Variants in TPTE observed in about 807,000 individuals in gnomAD.
TPTE encodes transmembrane phosphatase with tensin homology, also known as putative tyrosine-protein phosphatase TPTE.
A neutral mutation model predicts 84.1 loss-of-function variants in TPTE; 59 were observed. The ratio of observed to expected loss-of-function variants is 0.70; its 90% CI spans 0.57 to 0.87. The LOEUF (loss-of-function observed/expected upper bound fraction) is 0.87. Ranked by LOEUF, TPTE falls within the 40% of genes least tolerant of loss-of-function variation. The pLI is 0.00. For missense variants in TPTE, 382 were observed against 659.6 expected (o/e 0.58, Z 4.61); for synonymous variants, 130 against 223.5 (o/e 0.58, Z 3.73).
At chr21:10,570,806 C>G (rs1373244651) in intron 14 of TPTE, among the ~76,000 whole-genome samples, 3 of 152,310 alleles carry the variant, frequency 2.0e-5, no homozygotes, top group African/African-American at 7.2e-5. Flanking sequence ...CTTAACTGTC[C>G]AATTTAGGTG....
rs547709409 is a variant in TPTE at position 10,535,971 on chromosome 21, A to G, written c.-43-2710A>G. Reference sequence around the variant, plus strand: ...AGAGGCATGTTTCCTTACAGACTGCAGTTACATTAGAAATAAATGCCACTG... The same window carrying G: ...AGAGGCATGTTTCCTTACAGACTGCGGTTACATTAGAAATAAATGCCACTG... On this transcript the variant is annotated intron_variant, in intron 3 of 23. Transcript: ENST00000618007. 4.6e-5 allele frequency among the ~76,000 whole-genome samples: 7 copies of G among 152,426 alleles called. No homozygotes were observed. The South Asian group carries it at 1.4e-3, about 32-fold the overall frequency.
chr21:10,536,947 G>A (rs1202682457), intron 3 of TPTE, among the ~76,000 whole-genome samples: 3 of 152,312 alleles, frequency 2.0e-5, no homozygotes, highest in African/African-American at 7.2e-5. Context: ...AACAAACAGA[G>A]CTAATGGCCC....
intron 17 of TPTE, among the ~76,000 whole-genome samples, chr21:10,589,452 A>T (rs995833879): frequency 2.6e-5 from 4 of 151,542 alleles, no homozygotes; most frequent in Admixed American, 6.5e-5. Flanking sequence ...CTGAGTACAC[A>T]TTAATCTGAG....
At chr21:10,542,073 G>GA (rs1335463065) in intron 5 of TPTE, among the ~76,000 whole-genome samples, 2 of 152,308 alleles carry the variant, frequency 1.3e-5, no homozygotes, top group Non-Finnish European at 1.5e-5. Context: ...GGAATAAGAG[G>GA]GCTGACTACC....
chr21:10,560,579 C>CT (rs2074778877), intron 9 of TPTE, among the ~76,000 whole-genome samples: 2 of 152,304 alleles, frequency 1.3e-5, no homozygotes, highest in Admixed American at 1.3e-4. Context: ...AAATCTTGGT[C>CT]TTTTAAGAGC....
Position 10,538,861 on chromosome 21 carries a change from TC to T in TPTE, c.11+128del, listed in dbSNP as rs1476055958. The T allele has an allele frequency of 2.5e-6, 4 of 1,595,418 alleles. No individual in the cohort carries two copies. In the African/African-American group the frequency reaches 5.4e-5, roughly 21 times the overall value. ...ATGCATCCATCCGTACACACTTCTC[TC>T]AAACACATCCACTAACAAATCCATG... On this transcript the variant is annotated intron_variant, in intron 4 of 23. Transcript: ENST00000618007.
chr21:10,573,892 A>G (rs1455218335), intron 14 of TPTE, among the ~76,000 whole-genome samples: 3 of 152,302 alleles, frequency 2.0e-5, no homozygotes, highest in African/African-American at 7.2e-5. Flanking sequence ...AATCCTCTTC[A>G]GGCCCAGGCT....
At chr21:10,599,652 C>T (rs1717176651) in intron 21 of TPTE, among the ~76,000 whole-genome samples, 1 of 152,310 alleles carries the variant, frequency 6.6e-6, no homozygotes, top group Non-Finnish European at 1.5e-5. Context: ...TCAACAACGT[C>T]ACTCTTATTT....
At chr21:10,563,652 A>G (rs1393351367) in intron 10 of TPTE, among the ~76,000 whole-genome samples, 1 of 152,310 alleles carries the variant, frequency 6.6e-6, no homozygotes, top group Non-Finnish European at 1.5e-5. Flanking sequence ...TGGATACACG[A>G]AAAATAAAAA....
intron 7 of TPTE, among the ~76,000 whole-genome samples, chr21:10,546,294 A>G (rs2074466305): frequency 6.6e-6 from 1 of 152,310 alleles, no homozygotes; most frequent in African/African-American, 2.4e-5. Flanking sequence ...TATTAAGATG[A>G]CAAGCCTAAT....
chr21:10,557,170 A>C (rs1208071895), intron 8 of TPTE, among the ~76,000 whole-genome samples: 1 of 152,308 alleles, frequency 6.6e-6, no homozygotes, highest in Non-Finnish European at 1.5e-5. Flanking sequence ...TGTTTTTAGG[A>C]AAGGTACATG....
intron 8 of TPTE, among the ~76,000 whole-genome samples, chr21:10,557,070 G>C (rs1198958440): frequency 2.6e-5 from 4 of 152,424 alleles, no homozygotes; most frequent in African/African-American, 9.6e-5. Context: ...TGTCAATTTT[G>C]GCTTTTGTTG....
At position 10,605,502 on chromosome 21, in the gene TPTE, C is replaced by T. The variant is rs775720107; in HGVS notation, c.1606C>T (p.Leu536Phe). ...IYPSDFAVEILFGEKMTSSDV... is the reference protein window; with the variant it reads ...IYPSDFAVEIFFGEKMTSSDV... ...TCCATCAGATTTTGCCGTGGAGATA[C>T]TTTTTGGCGAGAAAATGACTTCCAG... is the stretch of plus-strand genomic sequence containing the variant. The change falls in exon 24 of 24, where the codon CTT becomes TTT. Residue 536 changes from leucine to phenylalanine, a missense_variant. Leu to Phe is a conservative substitution (Grantham distance 22, BLOSUM62 0). Around this residue, in one of 10 missense-constraint regions of TPTE, gnomAD observed 120 missense variants for 79.1 expected, o/e 1.52. Transcript: ENST00000618007. 9.3e-6 allele frequency: 15 copies of T among 1,614,084 alleles called. No individual in the cohort carries two copies. The highest frequency in any genetic ancestry group is 1.3e-5 in the African/African-American group (1 of 74,964).
chr21:10,549,757 T>C (rs1398769898), intron 7 of TPTE, among the ~76,000 whole-genome samples: 4 of 152,308 alleles, frequency 2.6e-5, no homozygotes, highest in Non-Finnish European at 5.9e-5. Flanking sequence ...AGAGAAAATA[T>C]GAGGAAAACA....
chr21:10,597,949 A>G, intron 20 of TPTE, 66 bp from the exon 21 acceptor site: 1 of 1,574,792 alleles, frequency 6.4e-7, no homozygotes, highest in African/African-American at 1.4e-5. Context: ...CATGATGTTA[A>G]TTGGTGAGAC....
intron 4 of TPTE, among the ~76,000 whole-genome samples, chr21:10,540,024 A>G (rs867225516): frequency 0.021 from 3,185 of 150,902 alleles, no homozygotes; most frequent in African/African-American, 0.061. Flanking sequence ...ACCAAAAACA[A>G]CAACAACAAA....
intron 1 of TPTE, among the ~76,000 whole-genome samples, chr21:10,523,401 A>T (rs468929): frequency 0.77 from 116,227 of 151,080 alleles, 40,756 homozygotes; most frequent in Non-Finnish European, 0.88. Context: ...CTGCACCCAC[A>T]AACTCCTCAT....
intron 23 of TPTE, among the ~76,000 whole-genome samples, chr21:10,604,515 C>T (rs1401570341): frequency 6.6e-6 from 1 of 152,308 alleles, no homozygotes; most frequent in African/African-American, 2.4e-5. Context: ...AGCAAGGCAA[C>T]AGGAAATTAA....
At chr21:10,602,544 G>C in intron 22 of TPTE, among the ~76,000 whole-genome samples, 1 of 152,312 alleles carries the variant, frequency 6.6e-6, no homozygotes. Context: ...ACCCAGGCTG[G>C]AGTGCAGTGA....
Sources: allele counts gnomAD v4.1 joint callset (sites outside exome capture counted in the v4.1 genomes callset), GRCh38; gene constraint gnomAD v4.1.1; regional missense constraint gnomAD v4.1.1; transcripts MANE v1.5; gene names NCBI Gene and HGNC (gene_info 2026-07-23, HGNC 2026-07-21).